The following LY86 variants were observed in gnomAD, a reference collection of about 807,000 sequenced individuals.
The protein encoded by LY86 is lymphocyte antigen 86.
LY86 carries 20 observed loss-of-function variants against 17.3 expected under a neutral mutation model. The observed-to-expected ratio is 1.15, with a 90% CI of 0.81 to 1.68. The LOEUF is 1.68. LY86 is among the 40% of genes most tolerant of loss of function. The pLI is 0.00. For missense variants in LY86, 200 were observed against 191.9 expected (o/e 1.04, Z -0.25); for synonymous variants, 74 against 70.6 (o/e 1.05, Z -0.24).
chr6:6,618,002 G>A (rs575237323), intron 1 of LY86, among the ~76,000 whole-genome samples: 5 of 152,154 alleles, frequency 3.3e-5, no homozygotes, highest in East Asian at 3.9e-4. Context: ...CACCACACCC[G>A]ACTAATTTTT....
intron 3 of LY86, 67 bp from the exon 4 acceptor site, chr6:6,649,558 A>G (rs2113165622): frequency 9.9e-7 from 1 of 1,005,302 alleles, no homozygotes; most frequent in Non-Finnish European, 1.5e-6. Flanking sequence ...GTAACCACAA[A>G]TCATGTGAAT....
At chr6:6,606,681 C>T (rs1181944932) in intron 1 of LY86, among the ~76,000 whole-genome samples, 1 of 152,222 alleles carries the variant, frequency 6.6e-6, no homozygotes, top group African/African-American at 2.4e-5. Context: ...GGTGCTAAGC[C>T]CCTCACTACC....
intron 3 of LY86, among the ~76,000 whole-genome samples, chr6:6,633,751 C>T (rs1761927229): frequency 6.6e-6 from 1 of 152,164 alleles, no homozygotes; most frequent in Non-Finnish European, 1.5e-5. Flanking sequence ...GCAAAGTGGC[C>T]TTGGTTCCAT....
At position 6,626,274 on chromosome 6, in the gene LY86, GTTC is replaced by G. The variant is rs778167335; in HGVS notation, c.224-14_224-12del. ...TGAAACACGCAGTAAGAGTAAAGCT[GTTC>G]TTCTCTTTCCTCCAGGAGAGGACAT... On this transcript the variant is annotated splice_polypyrimidine_tract_variant and intron_variant, in intron 2 of 4. Coordinates refer to ENST00000230568, the MANE Select transcript of LY86 (RefSeq NM_004271.4). The G allele has an allele frequency of 2.7e-5, 44 of 1,612,860 alleles. No homozygotes were observed. The highest frequency in any genetic ancestry group is 4.5e-5 in the East Asian group (2 of 44,878).
chr6:6,625,052 A>G (rs1270972154), intron 2 of LY86, 40 bp downstream of exon 2: 3 of 935,008 alleles, frequency 3.2e-6, no homozygotes, highest in Non-Finnish European at 5.0e-6. Context: ...AAAACATTGC[A>G]CAGCCTCTTC....
Position 6,653,172 on chromosome 6 carries a change from CTT to C in LY86, c.406-1371_406-1370del, listed in dbSNP as rs1004087071. The stretch of plus-strand genomic sequence containing the variant: ...ACCATCCAGAGCACAGCCTGGTTCT[CTT>C]GAATACAATTTCAGTGTTGGGGACT... On this transcript the variant is annotated intron_variant, in intron 4 of 4. Transcript: ENST00000230568. Among the ~76,000 whole-genome samples, 77 of 152,220 alleles carry C rather than the reference CTT, an allele frequency of 5.1e-4. 1 individual carries two copies. The highest frequency in any genetic ancestry group is 1.7e-3 in the African/African-American group (72 of 41,442).
At chr6:6,593,278 T>A (rs558025341) in intron 1 of LY86, among the ~76,000 whole-genome samples, 294 of 152,362 alleles carry the variant, frequency 1.9e-3, no homozygotes, top group Non-Finnish European at 3.7e-3. Context: ...GTGTAGCATC[T>A]TGCTTCCTTC....
At chr6:6,597,726 T>TC (rs1469663573) in intron 1 of LY86, among the ~76,000 whole-genome samples, 4 of 152,230 alleles carry the variant, frequency 2.6e-5, no homozygotes, top group Non-Finnish European at 5.9e-5. Context: ...TGTGTGTCCC[T>TC]CCTCCAGTGC....
At chr6:6,599,147 A>T (rs1202109988) in intron 1 of LY86, among the ~76,000 whole-genome samples, 1 of 152,192 alleles carries the variant, frequency 6.6e-6, no homozygotes, top group East Asian at 1.9e-4. Context: ...GGAATCTCCA[A>T]ATAACTAAGA....
intron 1 of LY86, among the ~76,000 whole-genome samples, chr6:6,601,450 C>A (rs945268442): frequency 2.0e-5 from 3 of 152,164 alleles, no homozygotes; most frequent in African/African-American, 7.2e-5. Flanking sequence ...AGGCCGGGCG[C>A]GGTGGCTCAC....
At chr6:6,649,495 A>G in intron 3 of LY86, 130 bp from the exon 4 acceptor site, 4 of 472,360 alleles carry the variant, frequency 8.5e-6, no homozygotes, top group Admixed American at 4.1e-5. Flanking sequence ...AAATGAAAAC[A>G]TTTCTAGCAA....
intron 4 of LY86, among the ~76,000 whole-genome samples, chr6:6,652,703 A>T (rs1202705615): frequency 2.0e-5 from 3 of 152,168 alleles, no homozygotes; most frequent in Non-Finnish European, 4.4e-5. Context: ...GAAACGCTGC[A>T]CTCAGTCCTT....
intron 1 of LY86, among the ~76,000 whole-genome samples, chr6:6,623,637 T>A (rs1761726249): frequency 6.6e-6 from 1 of 152,162 alleles, no homozygotes; most frequent in African/African-American, 2.4e-5. Context: ...AACATGTACA[T>A]TTATGGAGTG....
At chr6:6,617,685 A>T (rs1416419323) in intron 1 of LY86, among the ~76,000 whole-genome samples, 1 of 152,232 alleles carries the variant, frequency 6.6e-6, no homozygotes, top group African/African-American at 2.4e-5. Flanking sequence ...CCAGCCACTA[A>T]GATGCACTGT....
intron 1 of LY86, among the ~76,000 whole-genome samples, chr6:6,592,082 T>C (rs966884229): frequency 1.3e-5 from 2 of 152,154 alleles, no homozygotes; most frequent in Admixed American, 6.5e-5. Context: ...AGGCTGAAAA[T>C]AGGGTTTTCT....
intron 1 of LY86, among the ~76,000 whole-genome samples, chr6:6,611,889 A>T (rs1327200651): frequency 6.6e-6 from 1 of 152,038 alleles, no homozygotes; most frequent in Non-Finnish European, 1.5e-5. Flanking sequence ...ACCTACCAAA[A>T]ATAAGAAAAA....
chr6:6,615,763 A>G (rs1394226371), intron 1 of LY86, among the ~76,000 whole-genome samples: 1 of 150,558 alleles, frequency 6.6e-6, no homozygotes, highest in African/African-American at 2.4e-5. Flanking sequence ...ACAGTGGACC[A>G]CATCTGTAGT....
chr6:6,606,193 A>G (rs1761137400), intron 1 of LY86, among the ~76,000 whole-genome samples: 1 of 152,118 alleles, frequency 6.6e-6, no homozygotes, highest in South Asian at 2.1e-4. Context: ...AGCTAGACAC[A>G]AAGGCTCTCC....
At chr6:6,606,715 G>A (rs867854417) in intron 1 of LY86, among the ~76,000 whole-genome samples, 15 of 152,340 alleles carry the variant, frequency 9.8e-5, no homozygotes, top group Non-Finnish European at 2.9e-5. Flanking sequence ...CGGACCTGCA[G>A]CACTTGCGGG....
Sources: gnomAD v4.1 joint callset for allele counts (sites outside exome capture counted in the v4.1 genomes callset) on GRCh38, gnomAD v4.1.1 for gene constraint, MANE v1.5 for transcripts, NCBI Gene and HGNC (gene_info 2026-07-23, HGNC 2026-07-21) for gene names.